The following AGO4 variants were observed in gnomAD, a reference collection of about 807,000 sequenced individuals.
The protein encoded by AGO4 is protein argonaute-4.
A neutral mutation model predicts 104.7 loss-of-function variants in AGO4; 33 were observed. The observed-to-expected ratio is 0.32, with a 90% confidence interval of 0.24 to 0.42. The LOEUF is 0.42. AGO4 is among the 10% of genes least tolerant of loss of function. The pLI is 1.00. For missense variants in AGO4, 711 were observed against 1,083.4 expected (o/e 0.66, Z 4.83); for synonymous variants, 331 against 364.7 (o/e 0.91, Z 1.05).
chr1:35,835,567 G>A (rs374019068), intron 12 of AGO4, among the ~76,000 whole-genome samples: 4 of 152,132 alleles, frequency 2.6e-5, no homozygotes, highest in Admixed American at 1.3e-4. Context: ...TGAGCAAGTC[G>A]TGGCAGGCAG....
At chr1:35,833,014 C>T (rs1343974694) in intron 11 of AGO4, among the ~76,000 whole-genome samples, 1 of 152,212 alleles carries the variant, frequency 6.6e-6, no homozygotes, top group East Asian at 1.9e-4. Context: ...GGCTCAGTGG[C>T]TCACACCTGT....
chr1:35,807,716 C>T (rs914056480), upstream of AGO4, among the ~76,000 whole-genome samples: 1 of 152,118 alleles, frequency 6.6e-6, no homozygotes, highest in African/African-American at 2.4e-5. Context: ...GGACTGCTAG[C>T]GTCTAAGGTG....
chr1:35,816,841 A>G (rs747892374), intron 1 of AGO4, 41 bp from the exon 2 acceptor site: 3 of 1,379,310 alleles, frequency 2.2e-6, no homozygotes, highest in Admixed American at 2.6e-5. Context: ...AAAGAAAAAG[A>G]AAAAAAAAAT....
At chr1:35,851,769 C>T (rs1407349082) in intron 17 of AGO4, among the ~76,000 whole-genome samples, 1 of 152,160 alleles carries the variant, frequency 6.6e-6, no homozygotes, top group Non-Finnish European at 1.5e-5. Flanking sequence ...TGGCTTTGTA[C>T]CTTCCATTCC....
At position 35,825,432 on chromosome 1, in the gene AGO4, T is replaced by C. The variant is rs1234185395; in HGVS notation, c.426T>C (p.Asn142=). The C allele has an allele frequency of 6.2e-7, 1 of 1,614,206 alleles. No individual in the cohort carries two copies. Among genetic ancestry groups the C allele is most frequent in the East Asian group, 2.2e-5 (1 of 44,884 alleles). The stretch of plus-strand genomic sequence containing the variant: ...TAGAAGCTTTGGCTGGGCACTTGAA[T>C]GAAGTCCCAGATGACTCAGTACAAG... The part of the protein sequence containing the change: ...LLLEALAGHL[N]EVPDDSVQAL... The change falls in exon 4 of 18, where the codon AAT becomes AAC. Residue 142 remains asparagine (N), a synonymous_variant. Transcript: ENST00000373210.
chr1:35,816,888 C>T lies in AGO4; in HGVS notation c.26C>T (p.Pro9Leu), dbSNP rs769017079. ...TGTCTTTCAATCTCTTTAGGACCTC[C>T]GGCTAGCCTGTTTCAGCCACCTCGT... is the stretch of plus-strand genomic sequence containing the variant. MEALGPGP[P>L]ASLFQPPRRP... Residue 9 changes from proline to leucine, a missense_variant, in exon 2 of 18, where the codon CCG becomes CTG. Transcript: ENST00000373210. 4.3e-6 allele frequency: 7 copies of T among 1,611,238 alleles called. No homozygotes were observed. The highest frequency in any genetic ancestry group is 1.7e-5 in the Admixed American group (1 of 59,646).
At position 35,825,390 on chromosome 1, in the gene AGO4, G is replaced by A. The variant is rs1488528287; in HGVS notation, c.384G>A (p.Val128=). ...FKVSVQWVSV[V]SLQLLLEALA... ...TGTCTGTTCAGTGGGTGTCAGTTGT[G>A]AGCCTTCAGTTGCTTTTAGAAGCTT... The change falls in exon 4 of 18, where the codon GTG becomes GTA. Residue 128 remains valine, a synonymous_variant. Coordinates refer to ENST00000373210, the MANE Select transcript of AGO4 (RefSeq NM_017629.4). The A allele has an allele frequency of 1.2e-6, 2 of 1,614,170 alleles. No individual in the cohort carries two copies. The highest frequency in any genetic ancestry group is 8.5e-7 in the Non-Finnish European group (1 of 1,180,030).
rs1644843560 is a variant in AGO4, at chr1:35,857,647, A to G, written c.*4042A>G. The G allele has an allele frequency of 1.3e-5, 2 of 152,178 alleles. No individual in the cohort carries two copies. Among genetic ancestry groups the G allele is most frequent in the South Asian group, 4.1e-4 (2 of 4,824 alleles). The allele number at this position is 152,178 out of a possible 1,614,324, so 9.4% of individuals were successfully genotyped here. On this transcript the variant is annotated 3_prime_UTR_variant, in exon 18 of 18. Transcript: ENST00000373210. ...GTTTATGTGTCCAAAAAAGGAATAA[A>G]TTGGCATTCTTGTGCCAAAAGTTGT...
intron 1 of AGO4, among the ~76,000 whole-genome samples, chr1:35,815,521 G>A (rs1643663275): frequency 6.6e-6 from 1 of 152,128 alleles, no homozygotes; most frequent in African/African-American, 2.4e-5. Context: ...AGTTAACTAG[G>A]TTTATTTATT....
chr1:35,831,686 G>A (rs2148667803), intron 8 of AGO4, 112 bp downstream of exon 8: 26 of 1,536,224 alleles, frequency 1.7e-5, no homozygotes, highest in Non-Finnish European at 2.3e-5. Context: ...AATATTTTTG[G>A]CAGATGATTT....
At position 35,816,963 on chromosome 1, in the gene AGO4, A is replaced by G; in HGVS notation, c.101A>G (p.His34Arg). ...VGKPIRLLAN[H>R]FQVQIPKIDV... Reference sequence around the variant, plus strand: ...AAACCAATTCGACTGTTAGCCAATCATTTTCAGGTTCAGATTCCTAAAATA... The same window carrying G: ...AAACCAATTCGACTGTTAGCCAATCGTTTTCAGGTTCAGATTCCTAAAATA... The change falls in exon 2 of 18, where the codon CAT becomes CGT. Residue 34 changes from histidine (H) to arginine (R), a missense_variant. Transcript: ENST00000373210. 1 of 1,614,096 alleles carries G rather than the reference A, an allele frequency of 6.2e-7. No homozygotes were observed. Among genetic ancestry groups the G allele is most frequent in the South Asian group, 1.1e-5 (1 of 91,076 alleles).
chr1:35,854,183 C>T lies in AGO4; in HGVS notation c.*578C>T, dbSNP rs1644769907. ...AGTTTTACTACTTTATCTTATTGAT[C>T]TCTGCAGACTTGTGCTGGTGCAAGT... On this transcript the variant is annotated 3_prime_UTR_variant, in exon 18 of 18. Transcript: ENST00000373210. 1 of 152,566 alleles carries T rather than the reference C, an allele frequency of 6.6e-6. No homozygotes were observed. 9.5% of individuals were successfully genotyped at this position (152,566 alleles called of 1,614,324 possible). A position where few individuals can be genotyped will look rare whatever the true frequency, so the allele number is the denominator to read the frequency against.
chr1:35,824,288 T>C (rs551456534), intron 3 of AGO4, among the ~76,000 whole-genome samples: 1 of 152,208 alleles, frequency 6.6e-6, no homozygotes, highest in African/African-American at 2.4e-5. Context: ...CTATAGTAGT[T>C]TGGTATGTAT....
At position 35,841,702 on chromosome 1, in the gene AGO4, G is replaced by C. The variant is rs1422857377; in HGVS notation, c.2127G>C (p.Val709=). The C allele has an allele frequency of 5.6e-6, 9 of 1,613,578 alleles. No homozygotes were observed. In the East Asian group the frequency reaches 2.0e-4, roughly 36 times the overall value. The stretch of plus-strand genomic sequence containing the variant: ...GGCCAGGAATAACTTATATTGTGGT[G>C]CAAAAAAGACATCACACACGACTCT... ...DYRPGITYIV[V]QKRHHTRLFC... is the part of the protein sequence containing the mutation. The change falls in exon 15 of 18, where the codon GTG becomes GTC. Residue 709 remains valine, a synonymous_variant. Transcript: ENST00000373210. This position sits in a 1 kb window ranked among gnomAD's most constrained non-coding sequence, Gnocchi z 4.7.
rs746270064 is a variant in AGO4, at chr1:35,822,981, G to A, written c.305G>A (p.Arg102Lys). 11 of 1,613,498 alleles carry A rather than the reference G, an allele frequency of 6.8e-6. No homozygotes were observed. In the East Asian group the frequency reaches 1.3e-4, roughly 20 times the overall value. Residue 102 changes from arginine (R) to lysine (K), a missense_variant and splice_region_variant, in exon 3 of 18, where the codon AGG (arginine) becomes AAG (lysine). Coordinates refer to ENST00000373210, the MANE Select transcript of AGO4 (RefSeq NM_017629.4). ...CATCCACTACCAATTGGACGGGATA[G>A]GGTAAGTGTTAAGAGCAAGAAATAC... ...TAHPLPIGRD[R>K]VDMEVTLPGE... is the part of the protein sequence containing the mutation.
chr1:35,841,336 A>G lies in AGO4; in HGVS notation c.1896A>G (p.Gln632=). The change falls in exon 14 of 18, where the codon CAA becomes CAG. Residue 632 remains glutamine (Q), a synonymous_variant. Coordinates refer to ENST00000373210, the MANE Select transcript of AGO4 (RefSeq NM_017629.4). This position sits in a 1 kb window ranked among gnomAD's most constrained non-coding sequence, Gnocchi z 4.7. ...RVQTSRQEIS[Q]ELLYSQEVIQ... is the part of the protein sequence containing the mutation. ...AGACTTCCCGGCAGGAGATCTCCCAAGAGCTCCTCTACAGTCAAGAGGTCA... is the reference window on the plus strand; with the variant it reads ...AGACTTCCCGGCAGGAGATCTCCCAGGAGCTCCTCTACAGTCAAGAGGTCA... 6.2e-7 allele frequency: 1 copy of G among 1,614,190 alleles called. No individual in the cohort carries two copies. The highest frequency in any genetic ancestry group is 1.1e-5 in the South Asian group (1 of 91,082).
chr1:35,838,005 C>T (rs1644354933), intron 13 of AGO4, among the ~76,000 whole-genome samples: 1 of 151,996 alleles, frequency 6.6e-6, no homozygotes, highest in African/African-American at 2.4e-5. Context: ...GCTTTAGTCT[C>T]CTGAGTAGCT....
Position 35,841,758 on chromosome 1 carries a change from G to T in AGO4, c.2175+8G>T. The T allele has an allele frequency of 6.2e-7, 1 of 1,609,962 alleles. No individual in the cohort carries two copies. The highest frequency in any genetic ancestry group is 8.5e-7 in the Non-Finnish European group (1 of 1,178,120). On this transcript the variant is annotated splice_region_variant and intron_variant, in intron 15 of 17. Coordinates refer to ENST00000373210, the MANE Select transcript of AGO4 (RefSeq NM_017629.4). The surrounding 1 kb of genome is among the most constrained non-coding windows in gnomAD (Gnocchi z 4.7). ...GCAGATAAAACAGAAAGGGTAAGAA[G>T]ATATAATATAAGCTTTGTTATCTGA...
At chr1:35,832,847 T>A (rs545130534) in intron 11 of AGO4, among the ~76,000 whole-genome samples, 1 of 152,358 alleles carries the variant, frequency 6.6e-6, no homozygotes, top group Admixed American at 6.5e-5. Context: ...TGAAGCTTCC[T>A]TTGGTATTAA....
Sources: allele counts gnomAD v4.1 joint callset (sites outside exome capture counted in the v4.1 genomes callset), GRCh38; gene constraint gnomAD v4.1.1; non-coding constraint Gnocchi (gnomAD v3.1); transcripts MANE v1.5; gene names NCBI Gene and HGNC (gene_info 2026-07-23, HGNC 2026-07-21).